TNKS2: variants seen among roughly 807,000 people sequenced by gnomAD.
TNKS2 encodes poly [ADP-ribose] polymerase tankyrase-2.
Under a neutral mutation model 137.6 loss-of-function variants are expected in TNKS2, and 72 were observed. The observed-to-expected ratio is 0.52, with a 90% CI of 0.43 to 0.64. The LOEUF is 0.64. Among genes scored for constraint, TNKS2 ranks in the 30% least tolerant of loss-of-function variants. The pLI is 0.00. For synonymous variants in TNKS2, 516 were observed against 512.1 expected (o/e 1.01, Z -0.10); for missense variants, 1,049 against 1,410.2 (o/e 0.74, Z 4.10).
intron 11 of TNKS2, among the ~76,000 whole-genome samples, chr10:91,833,298 A>G (rs1000626121): frequency 5.3e-5 from 8 of 152,194 alleles, no homozygotes; most frequent in African/African-American, 1.9e-4. Flanking sequence ...GCTTTTGTGT[A>G]AGGCTTTTCC....
intron 22 of TNKS2, 151 bp downstream of exon 22, chr10:91,855,277 TA>T: frequency 1.6e-6 from 1 of 634,256 alleles, no homozygotes. Context: ...ACTAGAGTAA[TA>T]TTACTCTAGA....
At chr10:91,807,341 A>T (rs1385491194) in intron 1 of TNKS2, 4 of 1,614,132 alleles carry the variant, frequency 2.5e-6, no homozygotes, top group Admixed American at 1.7e-5. Flanking sequence ...TCCCATCAGA[A>T]TGCCTATATT....
intron 1 of TNKS2, among the ~76,000 whole-genome samples, chr10:91,810,735 C>T (rs757344764): frequency 1.1e-4 from 17 of 150,970 alleles, no homozygotes; most frequent in South Asian, 2.1e-4. Context: ...GTCTCAATCT[C>T]CTGACCTCGT....
chr10:91,809,548 C>CCCAG (rs1301262979), intron 1 of TNKS2, among the ~76,000 whole-genome samples: 1 of 151,984 alleles, frequency 6.6e-6, no homozygotes, highest in Non-Finnish European at 1.5e-5. Context: ...CGCCTGTAGT[C>CCCAG]CCAGCTACTC....
At chr10:91,803,185 G>A (rs1280209924) in intron 1 of TNKS2, among the ~76,000 whole-genome samples, 3 of 152,152 alleles carry the variant, frequency 2.0e-5, no homozygotes, top group Non-Finnish European at 4.4e-5. Flanking sequence ...GTATATGTGG[G>A]AAATAATTTT....
chr10:91,814,003 T>G (rs1407667014), intron 2 of TNKS2, among the ~76,000 whole-genome samples: 3 of 152,240 alleles, frequency 2.0e-5, no homozygotes, highest in Non-Finnish European at 4.4e-5. Flanking sequence ...TTACTATACT[T>G]TTTATTGTGA....
intron 1 of TNKS2, among the ~76,000 whole-genome samples, chr10:91,804,192 T>C (rs542893708): frequency 2.0e-5 from 3 of 152,152 alleles, no homozygotes; most frequent in African/African-American, 7.2e-5. Flanking sequence ...GTGAGGATCC[T>C]TTCCTATTCC....
At position 91,817,242 on chromosome 10, in the gene TNKS2, AC is replaced by A. The variant is rs757908758; in HGVS notation, c.520+14del. The A allele has an allele frequency of 6.3e-7, 1 of 1,596,164 alleles. No individual in the cohort carries two copies. The highest frequency in any genetic ancestry group is 8.6e-7 in the Non-Finnish European group (1 of 1,167,318). Reference sequence around the variant, plus strand: ...GCAGTGCTTACTGGTAAGTCTGTATACTCTGGTTATTCCAGGAAGCCTGTAA... The same window carrying A: ...GCAGTGCTTACTGGTAAGTCTGTATATCTGGTTATTCCAGGAAGCCTGTAA... On this transcript the variant is annotated intron_variant, in intron 3 of 26. Coordinates refer to ENST00000371627, the MANE Select transcript of TNKS2 (RefSeq NM_025235.4).
In TNKS2 at chr10:91,848,588, T is replaced by G; in HGVS notation, c.2564T>G (p.Val855Gly). The G allele has an allele frequency of 6.2e-7, 1 of 1,614,172 alleles. No homozygotes were observed. The highest frequency in any genetic ancestry group is 8.5e-7 in the Non-Finnish European group (1 of 1,180,036). The change falls in exon 19 of 27, where the codon GTT becomes GGT. Residue 855 changes from valine to glycine, a missense_variant. Physicochemically the swap from Val to Gly is moderately radical, Grantham distance 109. Transcript: ENST00000371627. ...AGTTTTTCAGAACTGTCTTCAGTAG[T>G]TAGTTCAAGTGGAACAGAGGGTGCT... ...SGSFSELSSVVSSSGTEGASS... is the reference protein window; with the variant it reads ...SGSFSELSSVGSSSGTEGASS...
chr10:91,840,976 A>T (rs1842191941), intron 14 of TNKS2, among the ~76,000 whole-genome samples: 2 of 152,162 alleles, frequency 1.3e-5, no homozygotes, highest in Non-Finnish European at 2.9e-5. Flanking sequence ...TAAATTTTTC[A>T]GTTTCCATGG....
chr10:91,809,175 A>G (rs925539719), intron 1 of TNKS2, among the ~76,000 whole-genome samples: 1 of 152,214 alleles, frequency 6.6e-6, no homozygotes, highest in Non-Finnish European at 1.5e-5. Flanking sequence ...TTAAAGATAT[A>G]TATTAGCAGA....
At chr10:91,836,762 C>T in intron 12 of TNKS2, 157 bp from the exon 13 acceptor site, 1 of 985,408 alleles carries the variant, frequency 1.0e-6, no homozygotes, top group Non-Finnish European at 1.2e-6. Context: ...TTATTTTTCA[C>T]TCCCCAACCC....
chr10:91,840,806 G>A (rs1362649961), intron 14 of TNKS2, 100 bp downstream of exon 14: 3 of 1,226,594 alleles, frequency 2.4e-6, no homozygotes, highest in African/African-American at 3.0e-5. Flanking sequence ...AAGAAAGCCT[G>A]TTTCCTAACA....
rs143976644 is a variant in TNKS2, at chr10:91,819,082, G to T, written c.521-188G>T. Among the ~76,000 whole-genome samples, 1,170 of 151,756 alleles carry T rather than the reference G, an allele frequency of 7.7e-3. 5 individuals carry two copies. Among genetic ancestry groups the T allele is most frequent in the Middle Eastern group, 0.01 (3 of 292 alleles). ...CTTTTTTTTTAATCCCATAGCAAAG[G>T]TATTTCATGTTTGCTCTTCATGCAA... On this transcript the variant is annotated intron_variant, in intron 3 of 26. Coordinates refer to ENST00000371627, the MANE Select transcript of TNKS2 (RefSeq NM_025235.4).
intron 1 of TNKS2, among the ~76,000 whole-genome samples, chr10:91,812,513 TTGTAG>T (rs1844541653): frequency 2.0e-5 from 3 of 152,198 alleles, no homozygotes; most frequent in African/African-American, 7.2e-5. Context: ...TTGTTGCTTC[TTGTAG>T]TCCCCCAGTT....
intron 7 of TNKS2, 21 bp downstream of exon 7, chr10:91,822,383 C>T (rs1402331663): frequency 6.4e-7 from 1 of 1,574,400 alleles, no homozygotes; most frequent in Non-Finnish European, 8.7e-7. Flanking sequence ...TTGTACTCTC[C>T]TAATTACTTT....
chr10:91,803,594 A>G (rs1732994175), intron 1 of TNKS2, among the ~76,000 whole-genome samples: 1 of 152,224 alleles, frequency 6.6e-6, no homozygotes, highest in Non-Finnish European at 1.5e-5. Flanking sequence ...AGATTGCGCC[A>G]TTGCACTCTA....
At chr10:91,816,200 G>A (rs1049670844) in intron 2 of TNKS2, among the ~76,000 whole-genome samples, 4 of 151,828 alleles carry the variant, frequency 2.6e-5, no homozygotes, top group African/African-American at 7.3e-5. Context: ...TGCCCGCCTC[G>A]GCCTCCCAAA....
chr10:91,831,406 C>G (rs1019927499), intron 11 of TNKS2, among the ~76,000 whole-genome samples: 2 of 152,186 alleles, frequency 1.3e-5, no homozygotes, highest in Non-Finnish European at 2.9e-5. Context: ...CCTCCCTCCT[C>G]CATTCCTTTT....
Sources: allele counts gnomAD v4.1 joint callset (sites outside exome capture counted in the v4.1 genomes callset), GRCh38; gene constraint gnomAD v4.1.1; transcripts MANE v1.5; gene names NCBI Gene and HGNC (gene_info 2026-07-23, HGNC 2026-07-21).